C6: variants seen among roughly 807,000 people sequenced by gnomAD.
C6 encodes the protein complement C6.
Under a neutral mutation model 112.9 loss-of-function variants are expected in C6, and 101 were observed. That is an observed-to-expected ratio of 0.89 (90% CI 0.76 to 1.06). The LOEUF (loss-of-function observed/expected upper bound fraction) is 1.06. Ranked by LOEUF, C6 falls within the 50% of genes least tolerant of loss-of-function variation. The probability of loss-of-function intolerance (pLI) is 0.00; values close to 1 mark genes in which losing one functional copy is unlikely to be tolerated. For missense variants in C6, 1,202 were observed against 1,104.6 expected, an observed-to-expected ratio of 1.09 and a Z score of -1.25; for synonymous variants, 431 against 384.1, an observed-to-expected ratio of 1.12 and a Z score of -1.43.
intron 1 of C6, among the ~76,000 whole-genome samples, chr5:41,244,720 T>C (rs1740920867): frequency 6.6e-6 from 1 of 151,926 alleles, no homozygotes; most frequent in Non-Finnish European, 1.5e-5. Flanking sequence ...AACACATTTT[T>C]TTTTTCCTTT....
At chr5:41,193,451 CTGATT>C (rs1462032083) in intron 5 of C6, among the ~76,000 whole-genome samples, 1 of 152,160 alleles carries the variant, frequency 6.6e-6, no homozygotes, top group Non-Finnish European at 1.5e-5. Flanking sequence ...TTGATCTAAT[CTGATT>C]TATGTGTCAT....
At chr5:41,250,570 T>C (rs138141575) in intron 1 of C6, among the ~76,000 whole-genome samples, 42 of 152,356 alleles carry the variant, frequency 2.8e-4, no homozygotes, top group African/African-American at 9.4e-4. Flanking sequence ...AGGATTTAAA[T>C]GTCCTGGCAG....
At chr5:41,148,860 A>G (rs1182465264) in intron 17 of C6, among the ~76,000 whole-genome samples, 1 of 152,216 alleles carries the variant, frequency 6.6e-6, no homozygotes, top group African/African-American at 2.4e-5. Context: ...CTACCTGGAC[A>G]GCACTATTGG....
intron 9 of C6, among the ~76,000 whole-genome samples, chr5:41,166,454 A>G (rs1010758981): frequency 2.0e-5 from 3 of 152,250 alleles, no homozygotes; most frequent in African/African-American, 7.2e-5. Flanking sequence ...AAGTTAACAC[A>G]CACAGAACAC....
intron 5 of C6, 113 bp from the exon 6 acceptor site, chr5:41,186,321 A>T: frequency 1.7e-6 from 2 of 1,154,760 alleles, no homozygotes; most frequent in Non-Finnish European, 2.5e-6. Flanking sequence ...AAGACAAATG[A>T]CTTGAAGGAA....
intron 6 of C6, among the ~76,000 whole-genome samples, chr5:41,184,929 C>T (rs1749652688): frequency 6.6e-6 from 1 of 152,168 alleles, no homozygotes; most frequent in Admixed American, 6.6e-5. Flanking sequence ...CAATTTGCTC[C>T]AGCCTCATAT....
At chr5:41,169,308 C>T (rs1273369254) in intron 9 of C6, among the ~76,000 whole-genome samples, 1 of 151,976 alleles carries the variant, frequency 6.6e-6, no homozygotes, top group East Asian at 1.9e-4. Context: ...TGTGTACATA[C>T]ACACATACGC....
In C6 at chr5:41,185,792, C is replaced by T. The variant is rs184693978; in HGVS notation, c.726+278G>A. Among the ~76,000 whole-genome samples the T allele has an allele frequency of 2.0e-5, 3 of 152,308 alleles. No homozygotes were observed. In the East Asian group the frequency reaches 5.8e-4, roughly 29 times the overall value. On this transcript the variant is annotated intron_variant, in intron 6 of 17. Coordinates refer to ENST00000337836, the MANE Select transcript of C6 (RefSeq NM_000065.5). ...AGAGCTGAATATTCAATGGAGAAAG[C>T]ATGGACTCGAATCAGGAAAACCTGG...
chr5:41,253,443 T>C (rs899869496), intron 1 of C6, among the ~76,000 whole-genome samples: 4 of 152,220 alleles, frequency 2.6e-5, no homozygotes, highest in African/African-American at 7.2e-5. Flanking sequence ...TAGTTGGCTG[T>C]ACATCCTTAC....
At chr5:41,218,011 A>T (rs1429765551), upstream of C6, among the ~76,000 whole-genome samples, 1 of 152,154 alleles carries the variant, frequency 6.6e-6, no homozygotes, top group Non-Finnish European at 1.5e-5. Flanking sequence ...GCACTCTTCA[A>T]AGTGCCATAG....
chr5:41,173,359 T>C (rs1300329022), intron 8 of C6, among the ~76,000 whole-genome samples: 1 of 152,194 alleles, frequency 6.6e-6, no homozygotes, highest in Non-Finnish European at 1.5e-5. Context: ...GGCCTCAGAA[T>C]CTGTGTGTTA....
chr5:41,222,931 T>A (rs1156563703), intron 1 of C6, among the ~76,000 whole-genome samples: 1 of 152,184 alleles, frequency 6.6e-6, no homozygotes, highest in Non-Finnish European at 1.5e-5. Context: ...CCTAACTGTG[T>A]TCATTTAACC....
rs545205294 is a variant in C6, at chr5:41,242,088, G to GA, written c.-21+19105dup. 7.1e-4 allele frequency among the ~76,000 whole-genome samples: 108 copies of GA among 151,350 alleles called. 1 individual carries two copies. The highest frequency in any genetic ancestry group is 1.3e-3 in the Non-Finnish European group (85 of 67,740). ...CATTAATTGGCATAGGAGCAGAAAG[G>GA]AAAAAAAAACTTGGAGAAAATAAAG... On this transcript the variant is annotated intron_variant, in intron 1 of 17. Coordinates refer to the C6 transcript ENST00000263413.
At chr5:41,224,917 T>C (rs2150407559) in intron 1 of C6, among the ~76,000 whole-genome samples, 1 of 152,274 alleles carries the variant, frequency 6.6e-6, no homozygotes, top group South Asian at 2.1e-4. Flanking sequence ...CACTTGTTAT[T>C]TTCTTTTTTT....
intron 4 of C6, among the ~76,000 whole-genome samples, 195 bp from the exon 5 acceptor site, chr5:41,196,128 C>T (rs10473238): frequency 0.11 from 16,449 of 152,046 alleles, 873 homozygotes; most frequent in African/African-American, 0.14. Context: ...TTATAAGGGT[C>T]ACCACAGAAT....
chr5:41,178,903 G>T (rs1749089640), intron 7 of C6, among the ~76,000 whole-genome samples: 1 of 151,984 alleles, frequency 6.6e-6, no homozygotes, highest in African/African-American at 2.4e-5. Context: ...ACCCAGGCTG[G>T]AGTACAGTGG....
chr5:41,194,408 TA>T (rs1267947661), intron 5 of C6, among the ~76,000 whole-genome samples: 1 of 152,196 alleles, frequency 6.6e-6, no homozygotes, highest in African/African-American at 2.4e-5. Flanking sequence ...CCAGCTGAGT[TA>T]TTTAGAACTC....
upstream of C6, among the ~76,000 whole-genome samples, chr5:41,215,369 A>C (rs2921174): frequency 0.88 from 133,692 of 152,136 alleles, 58,861 homozygotes; most frequent in Admixed American, 0.93. Context: ...AAGTAGGCTA[A>C]TTGGGACTGA....
intron 1 of C6, among the ~76,000 whole-genome samples, chr5:41,254,140 A>G (rs1741531419): frequency 1.3e-5 from 2 of 152,154 alleles, no homozygotes; most frequent in South Asian, 4.1e-4. Flanking sequence ...GGTGGCTCAC[A>G]CCTATAATCC....
Sources: gnomAD v4.1 joint callset for allele counts (sites outside exome capture counted in the v4.1 genomes callset) on GRCh38, gnomAD v4.1.1 for gene constraint, MANE v1.5 for transcripts, NCBI Gene and HGNC (gene_info 2026-07-23, HGNC 2026-07-21) for gene names.